FGG: variants seen among roughly 807,000 people sequenced by gnomAD.
FGG encodes fibrinogen, gamma polypeptide.
A neutral mutation model predicts 51.7 loss-of-function variants in FGG; 20 were observed. The observed-to-expected ratio is 0.39, with a 90% CI of 0.27 to 0.56. FGG has a LOEUF of 0.56. FGG is among the 20% of genes least tolerant of loss of function. The pLI, the probability that FGG is intolerant of heterozygous loss-of-function variation, is 0.64. For synonymous variants in FGG, 184 were observed against 184.7 expected, an observed-to-expected ratio of 1.00 and a Z score of 0.03; for missense variants, 460 against 534.2, an observed-to-expected ratio of 0.86 and a Z score of 1.37.
chr4:154,609,916 T>G, intron 5 of FGG, 151 bp downstream of exon 5: 1 of 1,507,086 alleles, frequency 6.6e-7, no homozygotes, highest in East Asian at 2.3e-5. Context: ...ACTGTTTTTT[T>G]TAGCTATTCA....
At chr4:154,605,429 G>A (rs1337753595) in intron 8 of FGG, among the ~76,000 whole-genome samples, 3 of 152,142 alleles carry the variant, frequency 2.0e-5, no homozygotes, top group Non-Finnish European at 4.4e-5. Context: ...CAAAATTCCT[G>A]ATGAGGTCAA....
intron 7 of FGG, among the ~76,000 whole-genome samples, chr4:154,607,949 C>T (rs1731130788): frequency 6.6e-6 from 1 of 152,084 alleles, no homozygotes; most frequent in African/African-American, 2.4e-5. Context: ...TTTAGGGTAG[C>T]TCATGATTTG....
chr4:154,607,708 G>T (rs1317949122), intron 7 of FGG, among the ~76,000 whole-genome samples: 1 of 152,102 alleles, frequency 6.6e-6, no homozygotes, highest in Non-Finnish European at 1.5e-5. Flanking sequence ...GGAAATGGAA[G>T]GTCCTTTCCT....
chr4:154,611,713 A>G, intron 4 of FGG, 92 bp downstream of exon 4: 1 of 848,942 alleles, frequency 1.2e-6, no homozygotes, highest in East Asian at 2.7e-5. Context: ...ATAAATGGGG[A>G]AAACACATTA....
chr4:154,605,129 G>T, intron 8 of FGG, 63 bp from the exon 9 acceptor site: 1 of 1,583,546 alleles, frequency 6.3e-7, no homozygotes, highest in Non-Finnish European at 8.7e-7. Context: ...GCAAGTCTAT[G>T]AAGAGCTGTC....
Position 154,604,784 on chromosome 4 carries a change from CAG to C in FGG, c.*48_*49del. The C allele has an allele frequency of 6.2e-7, 1 of 1,611,114 alleles. No individual in the cohort carries two copies. Among genetic ancestry groups the C allele is most frequent in the Non-Finnish European group, 8.5e-7 (1 of 1,179,390 alleles). On this transcript the variant is annotated 3_prime_UTR_variant, in exon 9 of 9. Coordinates refer to ENST00000336098, the MANE Select transcript of FGG (RefSeq NM_021870.3). ...GTAAGAGAAAAAAGGAAGAAACTTT[CAG>C]AGAATTTCTGAAACTTTGTGGGTCA...
chr4:154,605,591 A>T (rs573710038), intron 8 of FGG, among the ~76,000 whole-genome samples: 1 of 152,254 alleles, frequency 6.6e-6, no homozygotes, highest in South Asian at 2.1e-4. Flanking sequence ...GTAATTCTGT[A>T]AAAGGCTTGT....
chr4:154,608,737 A>G, intron 6 of FGG, 87 bp from the exon 7 acceptor site: 1 of 1,260,790 alleles, frequency 7.9e-7, no homozygotes, highest in Non-Finnish European at 1.1e-6. Context: ...TCAAAAATAC[A>G]GAGCACTGGT....
intron 7 of FGG, among the ~76,000 whole-genome samples, chr4:154,607,620 G>C (rs987015841): frequency 1.3e-5 from 2 of 152,084 alleles, no homozygotes; most frequent in African/African-American, 4.8e-5. Context: ...TCTATAGAGT[G>C]GGGGAAAGGA....
At chr4:154,605,140 T>G (rs1290949845) in intron 8 of FGG, 74 bp from the exon 9 acceptor site, 1 of 1,503,428 alleles carries the variant, frequency 6.7e-7, no homozygotes, top group Middle Eastern at 1.7e-4. Context: ...AAGAGCTGTC[T>G]ATTACGAAGT....
intron 7 of FGG, 74 bp from the exon 8 acceptor site, chr4:154,607,056 T>G (rs190145976): frequency 6.7e-6 from 10 of 1,489,706 alleles, no homozygotes; most frequent in Non-Finnish European, 9.0e-6. Flanking sequence ...TTTCGTAGGA[T>G]GCTTCCTTGG....
At chr4:154,608,366 A>G (rs1236010057) in intron 7 of FGG, 100 bp downstream of exon 7, 4 of 1,209,138 alleles carry the variant, frequency 3.3e-6, no homozygotes, top group Middle Eastern at 2.4e-4. Context: ...TGCTGTTTGC[A>G]TTTGTCAGGC....
chr4:154,609,790 G>A (rs775525363), intron 5 of FGG, 27 bp from the exon 6 acceptor site: 3 of 1,613,968 alleles, frequency 1.9e-6, no homozygotes, highest in Non-Finnish European at 1.7e-6. Flanking sequence ...GACTTTTACT[G>A]TGGTTTGAAA....
intron 6 of FGG, 35 bp from the exon 7 acceptor site, chr4:154,608,685 T>TAGTC (rs1731146930): frequency 6.4e-7 from 1 of 1,572,794 alleles, no homozygotes; most frequent in African/African-American, 1.3e-5. Context: ...AAGGAGAAAA[T>TAGTC]AGACTATCAA....
At chr4:154,606,582 G>T in intron 8 of FGG, 123 bp downstream of exon 8, 1 of 1,151,110 alleles carries the variant, frequency 8.7e-7, no homozygotes, top group Non-Finnish European at 1.2e-6. Context: ...TTGAAATAAA[G>T]AACATGATAA....
Position 154,606,963 on chromosome 4 carries a change from A to G in FGG, c.871T>C (p.Phe291Leu), listed in dbSNP as rs1731111187. 7 of 1,609,194 alleles carry G rather than the reference A, an allele frequency of 4.3e-6. No homozygotes were observed. Among genetic ancestry groups the G allele is most frequent in the Non-Finnish European group, 8.5e-7 (1 of 1,177,380 alleles). ...GRTSTADYAM[F>L]KVGPEADKYR... ...TTGTCAGCTTCAGGTCCCACCTTGA[A>G]CATGGCATAGTCTGCAGTACTGAGA... The change falls in exon 8 of 9, where the codon TTC becomes CTC. Residue 291 changes from phenylalanine (F) to leucine (L), a missense_variant. Transcript: ENST00000336098.
Position 154,609,709 on chromosome 4 carries a change from T to C in FGG, c.587A>G (p.Lys196Arg). 6.2e-7 allele frequency: 1 copy of C among 1,613,976 alleles called. No individual in the cohort carries two copies. Among genetic ancestry groups the C allele is most frequent in the South Asian group, 1.1e-5 (1 of 91,086 alleles). The change falls in exon 6 of 9, where the codon AAA becomes AGA. Residue 196 changes from lysine (K) to arginine (R), a missense_variant. Physicochemically the swap from Lys to Arg is conservative, Grantham distance 26. Transcript: ENST00000336098. ...GAATTGCTGGTTAGCTTTCAGAGGT[T>C]TAATAAAGTAAAGCCCGCTCTGTTT... Reference protein sequence around the residue: ...GAKQSGLYFIKPLKANQQFLV... With the variant: ...GAKQSGLYFIRPLKANQQFLV...
chr4:154,604,408 T>C lies in FGG; in HGVS notation c.*426A>G. 1 of 1,412,588 alleles carries C rather than the reference T, an allele frequency of 7.1e-7. No individual in the cohort carries two copies. The highest frequency in any genetic ancestry group is 9.5e-7 in the Non-Finnish European group (1 of 1,057,602). 87.5% of individuals were successfully genotyped at this position (1,412,588 alleles called of 1,614,324 possible). On this transcript the variant is annotated 3_prime_UTR_variant, in exon 9 of 9. Transcript: ENST00000336098. ...TATTAAAAAGACATAATTTTCTCCA[T>C]TTAAAAAGAAGAATTAAATAGGAAT...
At position 154,604,218 on chromosome 4, in the gene FGG, G is replaced by A; in HGVS notation, c.*616C>T. The stretch of plus-strand genomic sequence containing the variant: ...AAAACTGTTATGGAGTTTTCAACAT[G>A]GGGTCTTTTGCTCTTAAAATGAAGT... On this transcript the variant is annotated 3_prime_UTR_variant, in exon 9 of 9. Coordinates refer to ENST00000336098, the MANE Select transcript of FGG (RefSeq NM_021870.3). The A allele has an allele frequency of 1.5e-6, 1 of 665,080 alleles. No homozygotes were observed. The highest frequency in any genetic ancestry group is 2.4e-6 in the Non-Finnish European group (1 of 412,792). The allele number at this position is 665,080 out of a possible 1,614,324, so 41.2% of individuals were successfully genotyped here. A position where few individuals can be genotyped will look rare whatever the true frequency, so the allele number is the denominator to read the frequency against.
Sources: gnomAD v4.1 joint callset for allele counts (sites outside exome capture counted in the v4.1 genomes callset) on GRCh38, gnomAD v4.1.1 for gene constraint, MANE v1.5 for transcripts, NCBI Gene and HGNC (gene_info 2026-07-23, HGNC 2026-07-21) for gene names.